Variants in TCN2 observed in about 807,000 individuals in gnomAD.
The protein encoded by TCN2 is transcobalamin-2.
A neutral mutation model predicts 48.6 loss-of-function variants in TCN2; 34 were observed. The observed-to-expected ratio is 0.70, with a 90% CI of 0.53 to 0.93. TCN2 has a LOEUF of 0.93. TCN2 is among the 40% of genes least tolerant of loss of function. TCN2 has a pLI of 0.00. For synonymous variants in TCN2, 283 were observed against 212.5 expected (o/e 1.33, Z -2.89); for missense variants, 652 against 526.1 (o/e 1.24, Z -2.34).
intron 1 of TCN2, chr22:30,610,198 C>T: frequency 2.1e-6 from 1 of 470,972 alleles, no homozygotes; most frequent in Non-Finnish European, 4.4e-6. Flanking sequence ...TTTCTAAGAG[C>T]TCATCTCACA....
intron 7 of TCN2, among the ~76,000 whole-genome samples, chr22:30,620,003 T>C (rs1318089111): frequency 3.3e-5 from 5 of 152,034 alleles, no homozygotes; most frequent in Non-Finnish European, 7.4e-5. Flanking sequence ...AAAAAATTTT[T>C]TTAATTAGCT....
intron 7 of TCN2, among the ~76,000 whole-genome samples, chr22:30,618,379 CCTCT>C (rs1184226919): frequency 1.3e-5 from 2 of 151,856 alleles, no homozygotes; most frequent in African/African-American, 4.8e-5. Context: ...CGAGACAGAG[CCTCT>C]CTCTTTCACC....
intron 3 of TCN2, 136 bp downstream of exon 3, chr22:30,613,178 T>G: frequency 7.9e-7 from 1 of 1,258,916 alleles, no homozygotes; most frequent in Non-Finnish European, 1.1e-6. Context: ...TCTCACTGCC[T>G]ACGTAGAGGC....
chr22:30,611,260 C>A, intron 2 of TCN2, 197 bp downstream of exon 2: 1 of 675,450 alleles, frequency 1.5e-6, no homozygotes, highest in Non-Finnish European at 2.6e-6. Context: ...TGCAAGGCTC[C>A]TTTTGCTACT....
At chr22:30,612,829 G>A (rs765479341) in intron 2 of TCN2, 44 bp from the exon 3 acceptor site, 11 of 1,610,022 alleles carry the variant, frequency 6.8e-6, no homozygotes, top group South Asian at 2.2e-5. Context: ...GCAGGCTTAC[G>A]GGGTGGCAGT....
rs117417987 is a variant in TCN2 at position 30,610,518 on chromosome 22, C to T, written c.65-353C>T. ...TGCAAAGCAATGATGACAGTATCTA[C>T]ATCACAGGACTGGCATGAGGACCAA... On this transcript the variant is annotated intron_variant, in intron 1 of 8. Coordinates refer to ENST00000215838, the MANE Select transcript of TCN2 (RefSeq NM_000355.4). Among the ~76,000 whole-genome samples, 27 of 152,344 alleles carry T rather than the reference C, an allele frequency of 1.8e-4. No homozygotes were observed. The East Asian group carries it at 5.2e-3, about 29-fold the overall frequency.
Position 30,610,962 on chromosome 22 carries a change from C to T in TCN2, c.156C>T (p.Pro52=). The T allele has an allele frequency of 1.2e-6, 2 of 1,614,214 alleles. No individual in the cohort carries two copies. The highest frequency in any genetic ancestry group is 1.7e-6 in the Non-Finnish European group (2 of 1,180,042). The part of the protein sequence containing the change: ...MDRLSLEHLN[P]SIYVGLRLSS... The stretch of plus-strand genomic sequence containing the variant: ...GGCTTTCCCTGGAGCACTTGAACCC[C>T]AGCATCTATGTGGGCCTACGCCTCT... The change falls in exon 2 of 9, where the codon CCC becomes CCT. Residue 52 remains proline (P), a synonymous_variant. Transcript: ENST00000215838.
intron 7 of TCN2, among the ~76,000 whole-genome samples, chr22:30,621,476 TG>T (rs528292883): frequency 0.012 from 1,710 of 144,846 alleles, 42 homozygotes; most frequent in African/African-American, 0.041. Flanking sequence ...TGTTGTTTTT[TG>T]TTTGTTTGCT....
intron 7 of TCN2, among the ~76,000 whole-genome samples, chr22:30,621,798 T>G (rs932884168): frequency 2.3e-4 from 35 of 152,154 alleles, no homozygotes; most frequent in African/African-American, 8.0e-4. Context: ...CCTGCTCTTT[T>G]GAAAGACCAT....
intron 4 of TCN2, among the ~76,000 whole-genome samples, chr22:30,614,863 C>T (rs1036441191): frequency 9.9e-5 from 15 of 152,136 alleles, no homozygotes; most frequent in Non-Finnish European, 1.5e-4. Context: ...GAGTGGAGAT[C>T]GCACCACTGC....
chr22:30,617,109 G>A (rs1251349025), intron 6 of TCN2, among the ~76,000 whole-genome samples: 1 of 151,482 alleles, frequency 6.6e-6, no homozygotes, highest in Non-Finnish European at 1.5e-5. Flanking sequence ...TGGGGAATGA[G>A]GGACAGGGGA....
chr22:30,622,795 G>A (rs555219108), intron 7 of TCN2, among the ~76,000 whole-genome samples, 173 bp from the exon 8 acceptor site: 1 of 152,308 alleles, frequency 6.6e-6, no homozygotes, highest in South Asian at 2.1e-4. Flanking sequence ...GGTCTGGAGG[G>A]GAAGGAGGTG....
intron 3 of TCN2, among the ~76,000 whole-genome samples, chr22:30,613,814 C>T (rs2145541684): frequency 6.6e-6 from 1 of 152,244 alleles, no homozygotes; most frequent in South Asian, 2.1e-4. Flanking sequence ...CCTGTCTACC[C>T]TTACCTTCTG....
chr22:30,622,932 A>C lies in TCN2; in HGVS notation c.1107-36A>C, dbSNP rs1219119490. 2.5e-6 allele frequency: 4 copies of C among 1,604,586 alleles called. No homozygotes were observed. The Admixed American group carries it at 5.0e-5, about 20-fold the overall frequency. On this transcript the variant is annotated intron_variant, in intron 7 of 8. Transcript: ENST00000215838. ...GCCTCTCCCCTTAGGGACAACAGCCACCTCTTCTCTCCCCATTTGCCTTTC... is the reference window on the plus strand; with the variant it reads ...GCCTCTCCCCTTAGGGACAACAGCCCCCTCTTCTCTCCCCATTTGCCTTTC...
In TCN2 at chr22:30,615,393, A is replaced by T; in HGVS notation, c.673A>T (p.Thr225Ser). The T allele has an allele frequency of 1.2e-6, 2 of 1,614,158 alleles. No individual in the cohort carries two copies. Among genetic ancestry groups the T allele is most frequent in the Non-Finnish European group, 1.7e-6 (2 of 1,180,034 alleles). The change falls in exon 5 of 9, where the codon ACA becomes TCA. Residue 225 changes from threonine (T) to serine (S), a missense_variant. Thr to Ser is a moderately conservative substitution (Grantham distance 58). Transcript: ENST00000215838. ...ACAACGGATCACCATGGCCATCAGA[A>T]CAGTGCGAGAGGAGATCTTGAAGGC... Reference protein sequence around the residue: ...RRQRITMAIRTVREEILKAQT... With the variant: ...RRQRITMAIRSVREEILKAQT...
intron 1 of TCN2, chr22:30,610,194 A>C (rs775266351): frequency 4.2e-6 from 2 of 470,718 alleles, no homozygotes; most frequent in South Asian, 3.1e-5. Context: ...CTGTTTTCTA[A>C]GAGCTCATCT....
In TCN2 at chr22:30,607,296, C is replaced by G; in HGVS notation, c.-36C>G. The G allele has an allele frequency of 6.2e-7, 1 of 1,613,718 alleles. No individual in the cohort carries two copies. Among genetic ancestry groups the G allele is most frequent in the African/African-American group, 1.3e-5 (1 of 75,024 alleles). ...CAGGGCCAGCCCCAGGAGTCTTTCC[C>G]GATTCTTGCTCACTGCTCACCCACC... On this transcript the variant is annotated 5_prime_UTR_variant, in exon 1 of 9. Transcript: ENST00000215838.
intron 7 of TCN2, among the ~76,000 whole-genome samples, chr22:30,620,927 G>A (rs4820887): frequency 0.1 from 15,706 of 152,186 alleles, 902 homozygotes; most frequent in Admixed American, 0.15. Flanking sequence ...ATGGGAAAAG[G>A]GCTACTCTGT....
At chr22:30,608,808 C>T (rs1033767900) in intron 1 of TCN2, among the ~76,000 whole-genome samples, 1 of 152,200 alleles carries the variant, frequency 6.6e-6, no homozygotes, top group African/African-American at 2.4e-5. Context: ...CTGGGTTCAA[C>T]CAGCAAGAGC....
Sources: allele counts gnomAD v4.1 joint callset (sites outside exome capture counted in the v4.1 genomes callset), GRCh38; gene constraint gnomAD v4.1.1; transcripts MANE v1.5; gene names NCBI Gene and HGNC (gene_info 2026-07-23, HGNC 2026-07-21).